The following GLIS3 variants were observed in gnomAD, a reference collection of about 807,000 sequenced individuals.
GLIS3 encodes the protein zinc finger protein GLIS3.
GLIS3 carries 53 observed loss-of-function variants against 78.6 expected under a neutral mutation model. The ratio of observed to expected loss-of-function variants is 0.67; its 90% CI spans 0.54 to 0.85. GLIS3 has a LOEUF of 0.85. Ranked by LOEUF, GLIS3 falls within the 40% of genes least tolerant of loss-of-function variation. GLIS3 has a pLI of 0.00. For synonymous variants in GLIS3, 684 were observed against 509.9 expected (o/e 1.34, Z -4.60); for missense variants, 1,703 against 1,231.1 (o/e 1.38, Z -5.74).
intron 2 of GLIS3, among the ~76,000 whole-genome samples, chr9:4,279,404 CG>C (rs771928173): frequency 4.9e-4 from 68 of 138,500 alleles, no homozygotes; most frequent in African/African-American, 1.4e-3. Context: ...TATATATCAG[CG>C]TTTTTTTTAA....
chr9:4,089,306 T>G (rs956215187), intron 4 of GLIS3, among the ~76,000 whole-genome samples: 1 of 152,118 alleles, frequency 6.6e-6, no homozygotes, highest in African/African-American at 2.4e-5. Flanking sequence ...AACTGAAAAA[T>G]GAAGATGTCT....
chr9:4,318,363 C>T (rs908001378), intron 2 of GLIS3, among the ~76,000 whole-genome samples: 4 of 152,122 alleles, frequency 2.6e-5, no homozygotes, highest in Non-Finnish European at 4.4e-5. Context: ...CCCAGAGTTT[C>T]GTTTCTGAAT....
intron 9 of GLIS3, among the ~76,000 whole-genome samples, chr9:3,849,201 TG>T (rs1423048661): frequency 6.6e-6 from 1 of 152,206 alleles, no homozygotes; most frequent in Admixed American, 6.5e-5. Context: ...TGGGAAAACA[TG>T]GGGTAGTCTA....
At chr9:3,921,267 T>C (rs1243234849) in intron 6 of GLIS3, among the ~76,000 whole-genome samples, 1 of 152,226 alleles carries the variant, frequency 6.6e-6, no homozygotes, top group African/African-American at 2.4e-5. Flanking sequence ...GAAAAAATTA[T>C]GTTCTGAGCA....
chr9:4,397,082 G>A, the GLIS3 span, among the ~76,000 whole-genome samples: 8 of 136,346 alleles, frequency 5.9e-5, 1 homozygote, highest in South Asian at 1.9e-3. Flanking sequence ...CTGGAGTGCA[G>A]TGGCGCGATC....
chr9:4,321,359 T>C (rs945896929), intron 2 of GLIS3, among the ~76,000 whole-genome samples: 6 of 115,040 alleles, frequency 5.2e-5, no homozygotes, highest in Non-Finnish European at 9.4e-5. Flanking sequence ...GAGGCGGAGC[T>C]TGCAGGGAGC....
the GLIS3 span, among the ~76,000 whole-genome samples, chr9:4,396,537 G>A: frequency 1.3e-5 from 2 of 152,162 alleles, no homozygotes; most frequent in Non-Finnish European, 2.9e-5. Context: ...TGATTTCTTA[G>A]TGACAAAATT....
chr9:4,435,100 A>G, the GLIS3 span, among the ~76,000 whole-genome samples: 1 of 152,204 alleles, frequency 6.6e-6, no homozygotes, highest in Non-Finnish European at 1.5e-5. Context: ...GCAAAACCAT[A>G]GAGATAAGAT....
At chr9:4,250,361 G>C (rs1587145755) in intron 2 of GLIS3, among the ~76,000 whole-genome samples, 1 of 152,140 alleles carries the variant, frequency 6.6e-6, no homozygotes, top group South Asian at 2.1e-4. Context: ...TATGTGTCCA[G>C]GAATTTATCC....
chr9:4,328,407 A>C (rs1468595681), intron 2 of GLIS3, among the ~76,000 whole-genome samples: 1 of 152,174 alleles, frequency 6.6e-6, no homozygotes, highest in African/African-American at 2.4e-5. Flanking sequence ...AGTCAGGAAA[A>C]CAGGGAGCAC....
At chr9:4,334,696 C>T (rs1817728453) in intron 2 of GLIS3, among the ~76,000 whole-genome samples, 1 of 151,494 alleles carries the variant, frequency 6.6e-6, no homozygotes, top group Non-Finnish European at 1.5e-5. Flanking sequence ...TATACTCCCT[C>T]AATCCACACT....
chr9:4,472,446 C>T, the GLIS3 span, among the ~76,000 whole-genome samples: 2 of 152,270 alleles, frequency 1.3e-5, no homozygotes, highest in African/African-American at 2.4e-5. Context: ...GATGAATTCA[C>T]GTCCTTTGTA....
Position 4,286,392 on chromosome 9 carries a change from G to A in GLIS3, c.34C>T (p.Arg12Trp), listed in dbSNP as rs200950499. The change falls in exon 2 of 11, where the codon CGG (arginine) becomes TGG (tryptophan). Residue 12 changes from arginine (R) to tryptophan (W), a missense_variant. Transcript: ENST00000381971. ...GGCCCCTGTGGGGTTCCCGATGTCC[G>A]GTGGAGACTCATGCTGCATGATCTT... is the stretch of plus-strand genomic sequence containing the variant. ...NGRSCSMSLH[R>W]TSGTPQGPRM... 177 of 1,614,100 alleles carry A rather than the reference G, an allele frequency of 1.1e-4. No homozygotes were observed. The highest frequency in any genetic ancestry group is 6.6e-4 in the Middle Eastern group (4 of 6,062).
At chr9:4,054,632 A>C (rs1406741559) in intron 4 of GLIS3, 1 of 260,746 alleles carries the variant, frequency 3.8e-6, no homozygotes, top group African/African-American at 2.3e-5. Context: ...ATTCTTCCTG[A>C]AACTTGACCT....
chr9:3,838,430 C>CT (rs1818497291), intron 9 of GLIS3, among the ~76,000 whole-genome samples: 1 of 152,140 alleles, frequency 6.6e-6, no homozygotes, highest in Admixed American at 6.6e-5. Flanking sequence ...TTTGGTTTCA[C>CT]TTAGCCTTGG....
chr9:4,304,720 C>A (rs535935711), upstream of GLIS3, among the ~76,000 whole-genome samples: 1 of 152,162 alleles, frequency 6.6e-6, no homozygotes, highest in Non-Finnish European at 1.5e-5. Flanking sequence ...CAGAATTAAG[C>A]TCTGGAACAA....
At chr9:4,313,219 T>C (rs1285357841) in intron 2 of GLIS3, among the ~76,000 whole-genome samples, 5 of 152,124 alleles carry the variant, frequency 3.3e-5, no homozygotes, top group Non-Finnish European at 5.9e-5. Context: ...CTCTAATGAG[T>C]GTCACCCTAA....
chr9:3,844,435 A>T (rs563574987), intron 9 of GLIS3, among the ~76,000 whole-genome samples: 1 of 152,330 alleles, frequency 6.6e-6, no homozygotes, highest in Non-Finnish European at 1.5e-5. Flanking sequence ...TCATTTTAAG[A>T]GTTCCCTTCA....
Position 3,844,967 on chromosome 9 carries a change from G to C in GLIS3, c.2473+11042C>G, listed in dbSNP as rs182536896. Reference sequence around the variant, plus strand: ...CTAAATTAGTATAGCCTTCCTAAAAGAGTATGTGTCAATACCTATCCAACT... The same window carrying C: ...CTAAATTAGTATAGCCTTCCTAAAACAGTATGTGTCAATACCTATCCAACT... On this transcript the variant is annotated intron_variant, in intron 9 of 10. Transcript: ENST00000381971. 3.3e-5 allele frequency among the ~76,000 whole-genome samples: 5 copies of C among 152,268 alleles called. No individual in the cohort carries two copies. The East Asian group carries it at 9.6e-4, about 29-fold the overall frequency.
Sources: allele counts gnomAD v4.1 joint callset (sites outside exome capture counted in the v4.1 genomes callset), GRCh38; gene constraint gnomAD v4.1.1; transcripts MANE v1.5; gene names NCBI Gene and HGNC (gene_info 2026-07-23, HGNC 2026-07-21).